Variants in PTPRD observed in about 807,000 individuals in gnomAD.
The protein encoded by PTPRD is receptor-type tyrosine-protein phosphatase delta.
PTPRD carries 34 observed loss-of-function variants against 214.5 expected under a neutral mutation model. The observed-to-expected ratio is 0.16, with a 90% CI of 0.12 to 0.21. The LOEUF (loss-of-function observed/expected upper bound fraction) is 0.21. Among genes scored for constraint, PTPRD ranks in the 10% least tolerant of loss-of-function variants. The probability of loss-of-function intolerance (pLI) is 1.00; values close to 1 mark genes in which losing one functional copy is unlikely to be tolerated. For synonymous variants in PTPRD, 1,128 were observed against 845.7 expected (o/e 1.33, Z -5.79); for missense variants, 2,545 against 2,398.7 (o/e 1.06, Z -1.27).
Position 9,959,656 on chromosome 9 carries a change from G to A in PTPRD, c.-471-21046C>T, listed in dbSNP as rs539645266. On this transcript the variant is annotated intron_variant, in intron 4 of 45. Coordinates refer to ENST00000381196, the MANE Select transcript of PTPRD (RefSeq NM_002839.4). ...AATAAGTCAAGTCTATAATGCTAGA[G>A]GCAAAAGGAGGTGCACAAAAACAGT... 7.0e-4 allele frequency among the ~76,000 whole-genome samples: 107 copies of A among 152,270 alleles called. No homozygotes were observed. The South Asian group carries it at 8.5e-3, about 12-fold the overall frequency.
chr9:8,948,552 T>TA (rs1491183670), intron 11 of PTPRD, among the ~76,000 whole-genome samples: 14 of 89,930 alleles, frequency 1.6e-4, no homozygotes, highest in East Asian at 5.9e-4. Context: ...TTTATATATA[T>TA]TTATATATAT....
intron 14 of PTPRD, among the ~76,000 whole-genome samples, chr9:8,538,108 A>C (rs1168061854): frequency 1.3e-5 from 2 of 151,998 alleles, no homozygotes; most frequent in African/African-American, 4.8e-5. Context: ...ATTCATTTAG[A>C]TAAAATCCAA....
chr9:8,807,576 A>G (rs1183059845), intron 11 of PTPRD, among the ~76,000 whole-genome samples: 1 of 151,906 alleles, frequency 6.6e-6, no homozygotes, highest in South Asian at 2.1e-4. Context: ...TTATTTGTGA[A>G]TGGTTAAAGA....
At chr9:9,060,939 C>T (rs919433581) in intron 10 of PTPRD, among the ~76,000 whole-genome samples, 3 of 152,122 alleles carry the variant, frequency 2.0e-5, no homozygotes, top group Admixed American at 1.3e-4. Context: ...AAATGACTGA[C>T]AGCTACTTGC....
intron 4 of PTPRD, 56 bp from the exon 5 acceptor site, chr9:9,938,666 T>C (rs907145616): frequency 2.6e-5 from 4 of 152,126 alleles, no homozygotes; most frequent in African/African-American, 7.2e-5. Context: ...CACAATAAGA[T>C]ATTCATTATG....
At chr9:8,743,408 T>C (rs560380495) in intron 11 of PTPRD, among the ~76,000 whole-genome samples, 1 of 152,310 alleles carries the variant, frequency 6.6e-6, no homozygotes, top group Non-Finnish European at 1.5e-5. Flanking sequence ...CCATGTCTCA[T>C]GATGGGAGCT....
intron 12 of PTPRD, among the ~76,000 whole-genome samples, chr9:8,639,119 G>A (rs1428533810): frequency 6.6e-6 from 1 of 152,216 alleles, no homozygotes; most frequent in Non-Finnish European, 1.5e-5. Context: ...GGGATTACAG[G>A]CGTGAGCCAC....
chr9:9,909,508 C>G (rs1244662483), intron 5 of PTPRD, among the ~76,000 whole-genome samples: 1 of 151,724 alleles, frequency 6.6e-6, no homozygotes, highest in Non-Finnish European at 1.5e-5. Context: ...CTTAACCCCT[C>G]CATTCTAAAT....
intron 11 of PTPRD, among the ~76,000 whole-genome samples, 159 bp from the exon 12 acceptor site, chr9:8,734,105 A>G (rs1266630742): frequency 2.0e-5 from 3 of 152,236 alleles, no homozygotes; most frequent in Middle Eastern, 3.2e-3. Flanking sequence ...TGTATTAGGA[A>G]GGAAATAACT....
At chr9:10,096,654 A>G (rs1438349515) in intron 3 of PTPRD, among the ~76,000 whole-genome samples, 1 of 151,718 alleles carries the variant, frequency 6.6e-6, no homozygotes, top group African/African-American at 2.4e-5. Flanking sequence ...TTGTCAGATG[A>G]GTAGGTTGCA....
chr9:9,457,569 G>C (rs1226447116), intron 8 of PTPRD, among the ~76,000 whole-genome samples: 1 of 152,008 alleles, frequency 6.6e-6, no homozygotes, highest in Admixed American at 6.6e-5. Context: ...TTCTGGGGAA[G>C]ATTTTATGGG....
intron 2 of PTPRD, among the ~76,000 whole-genome samples, chr9:10,546,779 T>G (rs2146093): frequency 0.38 from 58,274 of 151,918 alleles, 12,595 homozygotes; most frequent in Non-Finnish European, 0.5. Flanking sequence ...GAGGTACATA[T>G]GAATAACAAT....
chr9:10,344,085 A>G (rs1286712552), intron 2 of PTPRD, among the ~76,000 whole-genome samples: 1 of 125,020 alleles, frequency 8.0e-6, no homozygotes, highest in Non-Finnish European at 1.6e-5. Context: ...TTGGTGTTTT[A>G]GACATGAAGT....
intron 3 of PTPRD, among the ~76,000 whole-genome samples, chr9:10,147,904 T>C (rs939964374): frequency 1.6e-4 from 24 of 151,696 alleles, no homozygotes; most frequent in Admixed American, 8.6e-4. Flanking sequence ...CATAAAAACA[T>C]AAAAGCTATA....
chr9:9,776,530 A>G (rs1295638733), intron 5 of PTPRD, among the ~76,000 whole-genome samples: 1 of 152,140 alleles, frequency 6.6e-6, no homozygotes, highest in East Asian at 1.9e-4. Flanking sequence ...TGTTGAATGG[A>G]TATGTGAAAA....
At chr9:10,427,148 T>A (rs1587971389) in intron 2 of PTPRD, among the ~76,000 whole-genome samples, 1 of 152,004 alleles carries the variant, frequency 6.6e-6, no homozygotes, top group Admixed American at 6.6e-5. Flanking sequence ...ATCTATTTTT[T>A]AAAACAACAG....
At chr9:9,187,713 C>T (rs888828173) in intron 9 of PTPRD, among the ~76,000 whole-genome samples, 7 of 151,882 alleles carry the variant, frequency 4.6e-5, no homozygotes, top group African/African-American at 1.2e-4. Context: ...TACTGCAACC[C>T]ACATTGCAGT....
intron 2 of PTPRD, among the ~76,000 whole-genome samples, chr9:10,474,946 G>C (rs2099053382): frequency 1.3e-5 from 2 of 152,208 alleles, no homozygotes; most frequent in Middle Eastern, 3.4e-3. Flanking sequence ...TGAGAACAAA[G>C]AGACAACGTA....
At chr9:9,832,028 G>C (rs975374773) in intron 5 of PTPRD, among the ~76,000 whole-genome samples, 1 of 151,936 alleles carries the variant, frequency 6.6e-6, no homozygotes, top group Non-Finnish European at 1.5e-5. Flanking sequence ...GGAAATGTTG[G>C]AGATGACATT....
Sources: gnomAD v4.1 joint callset for allele counts (sites outside exome capture counted in the v4.1 genomes callset) on GRCh38, gnomAD v4.1.1 for gene constraint, MANE v1.5 for transcripts, NCBI Gene and HGNC (gene_info 2026-07-23, HGNC 2026-07-21) for gene names.